The following GRID2 variants were observed in gnomAD, a reference collection of about 807,000 sequenced individuals.
GRID2 encodes glutamate receptor ionotropic, delta-2.
In GRID2, 33 loss-of-function variants were observed where a neutral mutation model predicts 114.8. The observed-to-expected ratio is 0.29, with a 90% confidence interval of 0.22 to 0.38. The LOEUF (loss-of-function observed/expected upper bound fraction) is 0.38. Among genes scored for constraint, GRID2 ranks in the 10% least tolerant of loss-of-function variants. GRID2 has a pLI of 1.00. For missense variants in GRID2, 1,184 were observed against 1,257.7 expected (o/e 0.94, Z 0.89); for synonymous variants, 505 against 449.9 (o/e 1.12, Z -1.55).
chr4:93,161,382 T>G, intron 4 of GRID2, among the ~76,000 whole-genome samples: 1 of 151,862 alleles, frequency 6.6e-6, no homozygotes, highest in Non-Finnish European at 1.5e-5. Flanking sequence ...ACATTCTTCA[T>G]TATTACTGGA....
chr4:92,567,170 A>G (rs1266618862), intron 1 of GRID2, among the ~76,000 whole-genome samples: 1 of 152,062 alleles, frequency 6.6e-6, no homozygotes, highest in African/African-American at 2.4e-5. Context: ...ACCAAAACTT[A>G]TCGGATCAGA....
intron 1 of GRID2, among the ~76,000 whole-genome samples, chr4:92,481,426 A>T (rs545177629): frequency 1.4e-4 from 22 of 152,254 alleles, no homozygotes; most frequent in African/African-American, 5.3e-4. Flanking sequence ...CTCTAGTATG[A>T]CTAGCCAATT....
At chr4:92,965,979 A>T (rs1753130900) in intron 2 of GRID2, among the ~76,000 whole-genome samples, 1 of 151,918 alleles carries the variant, frequency 6.6e-6, no homozygotes, top group Admixed American at 6.6e-5. Context: ...GCCAAAAACC[A>T]GGCTCATTCT....
chr4:92,513,540 C>G (rs1362251610), intron 1 of GRID2, among the ~76,000 whole-genome samples: 1 of 151,866 alleles, frequency 6.6e-6, no homozygotes, highest in Non-Finnish European at 1.5e-5. Flanking sequence ...ATTTTTTTGA[C>G]TGTATCCTAA....
At chr4:93,160,425 A>G (rs1441371319) in intron 4 of GRID2, among the ~76,000 whole-genome samples, 1 of 151,888 alleles carries the variant, frequency 6.6e-6, no homozygotes, top group Admixed American at 6.6e-5. Flanking sequence ...CAATAGCTAA[A>G]CAAATATAAT....
At chr4:93,756,398 G>A (rs1353811822) in intron 14 of GRID2, among the ~76,000 whole-genome samples, 2 of 152,120 alleles carry the variant, frequency 1.3e-5, no homozygotes, top group East Asian at 3.9e-4. Context: ...CCACAGACTG[G>A]GTGGCTTAAA....
intron 2 of GRID2, among the ~76,000 whole-genome samples, chr4:92,673,406 G>T (rs1733172423): frequency 1.3e-5 from 2 of 152,040 alleles, no homozygotes; most frequent in Non-Finnish European, 2.9e-5. Flanking sequence ...TTGAGTTGTT[G>T]TTTAGATAAA....
In GRID2 at chr4:93,376,734, CCA is replaced by C. The variant is rs201292735; in HGVS notation, c.1246-18870_1246-18869del. Among the ~76,000 whole-genome samples the C allele has an allele frequency of 8.2e-3, 1,241 of 152,228 alleles. 50 individuals carry two copies. Among genetic ancestry groups the C allele is most frequent in the Admixed American group, 0.059 (909 of 15,284 alleles). The stretch of plus-strand genomic sequence containing the variant: ...TAACACAGAAACAGAAAACCAAATG[CCA>C]CATGTTCTCACTTATAAGTGGGAGC... On this transcript the variant is annotated intron_variant, in intron 8 of 15. Coordinates refer to ENST00000282020, the MANE Select transcript of GRID2 (RefSeq NM_001510.4).
chr4:93,784,039 T>C (rs1734538222), intron 1 of GRID2, among the ~76,000 whole-genome samples: 2 of 109,144 alleles, frequency 1.8e-5, no homozygotes, highest in Admixed American at 2.9e-4. Context: ...GCCACTGCAC[T>C]CCAGCCTGGG....
chr4:93,334,499 G>A (rs2870696), intron 8 of GRID2, among the ~76,000 whole-genome samples: 105,563 of 152,134 alleles, frequency 0.69, 37,623 homozygotes, highest in African/African-American at 0.86. Flanking sequence ...ATTATGATGT[G>A]TTATTAGTTC....
At position 92,869,465 on chromosome 4, in the gene GRID2, G is replaced by A. The variant is rs115690485; in HGVS notation, c.245-215530G>A. Among the ~76,000 whole-genome samples the A allele has an allele frequency of 3.2e-3, 493 of 152,220 alleles. 1 individual carries two copies. Among genetic ancestry groups the A allele is most frequent in the African/African-American group, 0.011 (464 of 41,536 alleles). ...AAATAACCAAAGCAACTGGTAGTTCGGATGGCTCATGTATACCTTCTATTT... is the reference window on the plus strand; with the variant it reads ...AAATAACCAAAGCAACTGGTAGTTCAGATGGCTCATGTATACCTTCTATTT... On this transcript the variant is annotated intron_variant, in intron 2 of 15. Coordinates refer to ENST00000282020, the MANE Select transcript of GRID2 (RefSeq NM_001510.4).
chr4:92,700,657 C>T (rs964494251), intron 2 of GRID2, among the ~76,000 whole-genome samples: 5 of 152,070 alleles, frequency 3.3e-5, no homozygotes, highest in Non-Finnish European at 5.9e-5. Flanking sequence ...TTTATGGATG[C>T]GGATGAGGCA....
At position 93,490,443 on chromosome 4, in the gene GRID2, T is replaced by C. The variant is rs566929735; in HGVS notation, c.1859-196T>C. On this transcript the variant is annotated intron_variant, in intron 11 of 15. Coordinates refer to ENST00000282020, the MANE Select transcript of GRID2 (RefSeq NM_001510.4). ...ATGTTATACTAAATATTTATCATGCTTCTTTTGGCTGGGTCTTTCATAATC... is the reference window on the plus strand; with the variant it reads ...ATGTTATACTAAATATTTATCATGCCTCTTTTGGCTGGGTCTTTCATAATC... 1.5e-4 allele frequency among the ~76,000 whole-genome samples: 23 copies of C among 151,988 alleles called. 2 individuals are homozygous for C. In the South Asian group the frequency reaches 4.8e-3, roughly 32 times the overall value.
chr4:93,238,233 A>T (rs1387598270), intron 7 of GRID2, 138 bp from the exon 8 acceptor site: 5 of 542,514 alleles, frequency 9.2e-6, no homozygotes, highest in Non-Finnish European at 1.6e-5. Flanking sequence ...ACCTATTTTA[A>T]AAAGTAGTCT....
At chr4:93,586,556 A>G (rs553190129) in intron 13 of GRID2, among the ~76,000 whole-genome samples, 1 of 152,240 alleles carries the variant, frequency 6.6e-6, no homozygotes, top group South Asian at 2.1e-4. Context: ...TGACATACAT[A>G]TATTTGCATT....
intron 7 of GRID2, among the ~76,000 whole-genome samples, chr4:93,234,997 T>G (rs774466635): frequency 6.6e-6 from 1 of 152,168 alleles, no homozygotes; most frequent in Non-Finnish European, 1.5e-5. Flanking sequence ...ATTTCAAGCG[T>G]AGGAAAAGAT....
At chr4:93,760,296 CA>C (rs1303683916) in intron 14 of GRID2, among the ~76,000 whole-genome samples, 1 of 152,150 alleles carries the variant, frequency 6.6e-6, no homozygotes, top group East Asian at 1.9e-4. Flanking sequence ...ATAAAGTTCA[CA>C]GTTGTTTCTT....
chr4:93,124,117 G>GAAAA (rs67692016), intron 4 of GRID2, among the ~76,000 whole-genome samples: 1 of 143,818 alleles, frequency 7.0e-6, no homozygotes, highest in African/African-American at 2.6e-5. Context: ...AAAAAAAAAA[G>GAAAA]AAAAAAAAAA....
intron 1 of GRID2, among the ~76,000 whole-genome samples, chr4:92,367,895 G>T (rs1055318831): frequency 1.3e-5 from 2 of 151,602 alleles, no homozygotes; most frequent in African/African-American, 4.9e-5. Context: ...AATTCCAAAT[G>T]ATCTCTTGAA....
Sources: allele counts gnomAD v4.1 joint callset (sites outside exome capture counted in the v4.1 genomes callset), GRCh38; gene constraint gnomAD v4.1.1; transcripts MANE v1.5; gene names NCBI Gene and HGNC (gene_info 2026-07-23, HGNC 2026-07-21).